Variants in MPHOSPH10 observed in about 807,000 individuals in gnomAD.
MPHOSPH10 encodes M-phase phosphoprotein 10, also known as U3 small nucleolar ribonucleoprotein MPP10.
A neutral mutation model predicts 77.3 loss-of-function variants in MPHOSPH10; 33 were observed. The observed-to-expected ratio is 0.43, with a 90% CI of 0.32 to 0.57. The LOEUF (loss-of-function observed/expected upper bound fraction) is 0.57. MPHOSPH10 is among the 20% of genes least tolerant of loss of function. The pLI is 0.07. For missense variants in MPHOSPH10, 708 were observed against 780.1 expected, an observed-to-expected ratio of 0.91 and a Z score of 1.10; for synonymous variants, 245 against 268.0, an observed-to-expected ratio of 0.91 and a Z score of 0.84.
intron 9 of MPHOSPH10, 90 bp downstream of exon 9, chr2:71,148,196 C>G: frequency 9.2e-7 from 1 of 1,083,164 alleles, no homozygotes; most frequent in Non-Finnish European, 1.4e-6. Context: ...TTGCCTTGCA[C>G]TTGTAGTTCT....
At chr2:71,133,625 T>G in intron 2 of MPHOSPH10, 49 bp downstream of exon 2, 2 of 1,486,368 alleles carry the variant, frequency 1.3e-6, no homozygotes, top group Non-Finnish European at 1.8e-6. Flanking sequence ...AATTAGCTTT[T>G]CTTCTGTTTT....
At chr2:71,131,181 C>T (rs1185233087) in intron 1 of MPHOSPH10, among the ~76,000 whole-genome samples, 1 of 152,166 alleles carries the variant, frequency 6.6e-6, no homozygotes, top group East Asian at 1.9e-4. Context: ...TGTCTCTTCC[C>T]AACACAAGCG....
chr2:71,134,909 G>A lies in MPHOSPH10; in HGVS notation c.1098+112G>A, dbSNP rs547199031. The A allele has an allele frequency of 1.1e-4, 92 of 863,704 alleles. No individual in the cohort carries two copies. In the South Asian group the frequency reaches 1.4e-3, roughly 14 times the overall value. 53.5% of individuals were successfully genotyped at this position (863,704 alleles called of 1,614,324 possible). A position where few individuals can be genotyped will look rare whatever the true frequency, so the allele number is the denominator to read the frequency against. ...TGGCCAGGTGCAGTGGCTCACGCCT[G>A]TAATCCTAACACTTTGGTAGTCCAA... On this transcript the variant is annotated intron_variant, in intron 4 of 10. Coordinates refer to ENST00000244230, the MANE Select transcript of MPHOSPH10 (RefSeq NM_005791.3).
At chr2:71,139,899 A>G (rs1347152612) in intron 6 of MPHOSPH10, 37 bp downstream of exon 6, 1 of 1,385,826 alleles carries the variant, frequency 7.2e-7, no homozygotes, top group Middle Eastern at 1.8e-4. Flanking sequence ...TCAAAATGTC[A>G]CCAAGATTTT....
intron 3 of MPHOSPH10, 133 bp downstream of exon 3, chr2:71,134,238 G>A: frequency 1.1e-6 from 1 of 909,658 alleles, no homozygotes. Flanking sequence ...GATAGCCAGA[G>A]GAAAGTCTCT....
At chr2:71,137,619 A>G (rs554037851) in intron 4 of MPHOSPH10, among the ~76,000 whole-genome samples, 1 of 148,076 alleles carries the variant, frequency 6.8e-6, no homozygotes, top group South Asian at 2.1e-4. Context: ...AGATCACGCA[A>G]CTGCTCTCCA....
Position 71,149,942 on chromosome 2 carries a change from T to C in MPHOSPH10, c.1973T>C (p.Ile658Thr), listed in dbSNP as rs751234013. The C allele has an allele frequency of 1.1e-4, 165 of 1,554,648 alleles. No homozygotes were observed. In the East Asian group the frequency reaches 3.3e-3, roughly 31 times the overall value. ...TTACAAGATCAAGTAAAAATGCAAA[T>C]CAATGATGCAAAGAAAACAGAAAAG... ...SKLQDQVKMQ[I>T]NDAKKTEKKK... The change falls in exon 11 of 11, where the codon ATC becomes ACC. Residue 658 changes from isoleucine (I) to threonine (T), a missense_variant. Transcript: ENST00000244230.
chr2:71,136,711 C>T (rs1370953278), intron 4 of MPHOSPH10, among the ~76,000 whole-genome samples: 3 of 151,958 alleles, frequency 2.0e-5, no homozygotes, highest in African/African-American at 4.8e-5. Flanking sequence ...CCACTCCTCC[C>T]GCCCTTCCCC....
At position 71,133,884 on chromosome 2, in the gene MPHOSPH10, A is replaced by G. The variant is rs530028579; in HGVS notation, c.769-64A>G. On this transcript the variant is annotated intron_variant, in intron 2 of 10. Transcript: ENST00000244230. ...ATACATACAATATACATGCAAATCT[A>G]TATGCATGTGTTAATATATTTTTCT... 56 of 1,092,938 alleles carry G rather than the reference A, an allele frequency of 5.1e-5. No homozygotes were observed. In the East Asian group the frequency reaches 1.2e-3, roughly 24 times the overall value. 67.7% of individuals were successfully genotyped at this position (1,092,938 alleles called of 1,614,324 possible).
At chr2:71,135,702 C>CTTTTTTT (rs781167523) in intron 4 of MPHOSPH10, among the ~76,000 whole-genome samples, 24 of 130,644 alleles carry the variant, frequency 1.8e-4, no homozygotes, top group East Asian at 9.5e-4. Context: ...TTTTCTTTTT[C>CTTTTTTT]TTTTTTTTTT....
intron 8 of MPHOSPH10, among the ~76,000 whole-genome samples, chr2:71,144,912 C>T (rs1673679086): frequency 6.6e-6 from 1 of 152,224 alleles, no homozygotes; most frequent in Non-Finnish European, 1.5e-5. Flanking sequence ...GTATGGATAT[C>T]TATACCAGCA....
chr2:71,134,770 A>G lies in MPHOSPH10; in HGVS notation c.1071A>G (p.Lys357=), dbSNP rs749527393. 3 of 1,594,150 alleles carry G rather than the reference A, an allele frequency of 1.9e-6. No homozygotes were observed. Among genetic ancestry groups the G allele is most frequent in the Non-Finnish European group, 2.6e-6 (3 of 1,171,858 alleles). ...TAAAGAAAAATTCTGATGAAGTTAAATCCTCCTTTGAAAAAAGACAGGAAA... is the reference window on the plus strand; with the variant it reads ...TAAAGAAAAATTCTGATGAAGTTAAGTCCTCCTTTGAAAAAAGACAGGAAA... The part of the protein sequence containing the change: ...LNVKKNSDEV[K]SSFEKRQEKM... The change falls in exon 4 of 11, where the codon AAA becomes AAG. Residue 357 remains lysine (K), a synonymous_variant. Coordinates refer to ENST00000244230, the MANE Select transcript of MPHOSPH10 (RefSeq NM_005791.3).
intron 4 of MPHOSPH10, among the ~76,000 whole-genome samples, chr2:71,135,637 T>G (rs1558753359): frequency 7.3e-6 from 1 of 136,746 alleles, no homozygotes; most frequent in Non-Finnish European, 1.6e-5. Flanking sequence ...AAAGCTGTCC[T>G]GTGAGCATCT....
rs1339679430 is a variant in MPHOSPH10 at position 71,134,807 on chromosome 2, A to T, written c.1098+10A>T. On this transcript the variant is annotated intron_variant, in intron 4 of 10. Transcript: ENST00000244230. ...AAAAAGACAGGAAAAGGTAATTAGT[A>T]ATTTAAGGAATTTTTAATATACTTG... is the stretch of plus-strand genomic sequence containing the variant. 4 of 1,526,164 alleles carry T rather than the reference A, an allele frequency of 2.6e-6. No homozygotes were observed. Among genetic ancestry groups the T allele is most frequent in the South Asian group, 1.2e-5 (1 of 84,432 alleles). The allele number at this position is 1,526,164 out of a possible 1,614,324, so 94.5% of individuals were successfully genotyped here.
intron 8 of MPHOSPH10, among the ~76,000 whole-genome samples, chr2:71,146,603 G>T (rs1673714562): frequency 6.6e-6 from 1 of 152,146 alleles, no homozygotes; most frequent in Admixed American, 6.5e-5. Flanking sequence ...CTCCCAAAGT[G>T]CTGGGATTAC....
intron 8 of MPHOSPH10, among the ~76,000 whole-genome samples, chr2:71,147,014 A>G (rs1434653047): frequency 1.3e-5 from 2 of 152,188 alleles, no homozygotes; most frequent in Non-Finnish European, 2.9e-5. Flanking sequence ...TTCAATTAAC[A>G]TTGCATTCTT....
chr2:71,136,913 AACACACACACACACACACACAC>A (rs56768441), intron 4 of MPHOSPH10, among the ~76,000 whole-genome samples: 357 of 119,078 alleles, frequency 3.0e-3, no homozygotes, highest in Non-Finnish European at 4.1e-3. Context: ...GTAGCATTAA[AACACACACACACACACACACAC>A]ACACACACAC....
In MPHOSPH10 at chr2:71,141,354, C is replaced by G; in HGVS notation, c.1431C>G (p.Tyr477Ter). The change falls in exon 7 of 11, where the codon TAC becomes TAG. Residue 477 changes from tyrosine to a stop codon, truncating the protein, a stop_gained. Transcript: ENST00000244230. LOFTEE classifies it high-confidence loss of function. ...TTGCTGAAATTTATGAACAGGAGTA[C>G]ATCAAACTCAACCAGGTGAGGAAGC... ...LSLAEIYEQEYIKLNQQKTAE... is the reference protein window; with the variant it reads ...LSLAEIYEQE The G allele has an allele frequency of 6.5e-7, 1 of 1,545,186 alleles. No individual in the cohort carries two copies. The highest frequency in any genetic ancestry group is 8.7e-7 in the Non-Finnish European group (1 of 1,147,452).
chr2:71,133,353 A>G lies in MPHOSPH10; in HGVS notation c.545A>G (p.Gln182Arg). The G allele has an allele frequency of 5.0e-6, 8 of 1,614,174 alleles. No individual in the cohort carries two copies. The highest frequency in any genetic ancestry group is 1.1e-5 in the South Asian group (1 of 91,088). Residue 182 changes from glutamine (Q) to arginine (R), a missense_variant, in exon 2 of 11, where the codon CAG becomes CGG. By Grantham distance (43) the Gln-to-Arg change is conservative (BLOSUM62 1). Around this residue, in one of 3 missense-constraint regions of MPHOSPH10, gnomAD observed 433 missense variants for 432.6 expected, o/e 1.00. Transcript: ENST00000244230. Reference sequence around the variant, plus strand: ...GACTTTGATATCAGCAAATTGGAACAGCAGAGCAAGGTGCAAAACAAAGGA... The same window carrying G: ...GACTTTGATATCAGCAAATTGGAACGGCAGAGCAAGGTGCAAAACAAAGGA... ...DLDFDISKLE[Q>R]QSKVQNKGQG...
Sources: allele counts gnomAD v4.1 joint callset (sites outside exome capture counted in the v4.1 genomes callset), GRCh38; gene constraint gnomAD v4.1.1; regional missense constraint gnomAD v4.1.1; transcripts MANE v1.5; gene names NCBI Gene and HGNC (gene_info 2026-07-23, HGNC 2026-07-21).